TGM7: variants seen among roughly 807,000 people sequenced by gnomAD.
The protein encoded by TGM7 is transglutaminase 7.
Under a neutral mutation model 79.5 loss-of-function variants are expected in TGM7, and 74 were observed. The ratio of observed to expected loss-of-function variants is 0.93; its 90% confidence interval spans 0.77 to 1.13. The LOEUF (loss-of-function observed/expected upper bound fraction) is 1.13, where lower values mean the gene tolerates loss of function less well. Ranked by LOEUF, TGM7 falls within the 50% of genes most tolerant of loss-of-function variation. The pLI, the probability that TGM7 is intolerant of heterozygous loss-of-function variation, is 0.00. For synonymous variants in TGM7, 354 were observed against 362.5 expected (o/e 0.98, Z 0.27); for missense variants, 912 against 905.9 (o/e 1.01, Z -0.09).
At chr15:43,284,719 C>T (rs2042926073) in intron 7 of TGM7, 95 bp downstream of exon 7, 1 of 1,454,378 alleles carries the variant, frequency 6.9e-7, no homozygotes, top group Non-Finnish European at 9.6e-7. Flanking sequence ...TCAGGGCAAT[C>T]TTGCAATATT....
chr15:43,281,867 G>C lies in TGM7; in HGVS notation c.1328C>G (p.Thr443Ser). The change falls in exon 9 of 13, where the codon ACC (threonine) becomes AGC (serine). Residue 443 changes from threonine (T) to serine (S), a missense_variant. By Grantham distance (58) the Thr-to-Ser change is moderately conservative. Transcript: ENST00000452443. ...MVGSDQRQSI[T>S]SSYKYPEGSP... is the part of the protein sequence containing the mutation. Reference sequence around the variant, plus strand: ...ACCTTCTGGGTACTTGTAGGAGCTGGTGATGCTCTGGCGCTGGTCTGACCC... The same window carrying C: ...ACCTTCTGGGTACTTGTAGGAGCTGCTGATGCTCTGGCGCTGGTCTGACCC... 5 of 1,614,206 alleles carry C rather than the reference G, an allele frequency of 3.1e-6. No individual in the cohort carries two copies. The highest frequency in any genetic ancestry group is 4.2e-6 in the Non-Finnish European group (5 of 1,180,026).
chr15:43,280,042 C>T, intron 9 of TGM7, 91 bp from the exon 10 acceptor site: 1 of 1,253,678 alleles, frequency 8.0e-7, no homozygotes, highest in Non-Finnish European at 1.1e-6. Flanking sequence ...GGAATAGCAG[C>T]ACAGGGAGGC....
intron 12 of TGM7, 48 bp from the exon 13 acceptor site, chr15:43,276,662 C>T (rs371122063): frequency 5.8e-5 from 92 of 1,584,508 alleles, no homozygotes; most frequent in Admixed American, 2.1e-4. Context: ...TTCCTGCTGG[C>T]GGCAGGGGTG....
chr15:43,299,680 C>T (rs2043016997), intron 1 of TGM7, among the ~76,000 whole-genome samples: 1 of 152,242 alleles, frequency 6.6e-6, no homozygotes, highest in South Asian at 2.1e-4. Flanking sequence ...CAGCTCCTTC[C>T]ATTCTTCTGT....
At chr15:43,283,735 AC>A (rs1346408666) in intron 7 of TGM7, among the ~76,000 whole-genome samples, 1 of 152,198 alleles carries the variant, frequency 6.6e-6, no homozygotes, top group African/African-American at 2.4e-5. Context: ...GACAATTCAG[AC>A]CTCTAGGAGT....
intron 4 of TGM7, 98 bp from the exon 5 acceptor site, chr15:43,287,767 G>A (rs936686867): frequency 8.5e-5 from 119 of 1,407,298 alleles, no homozygotes; most frequent in Non-Finnish European, 1.1e-4. Flanking sequence ...GCATGTATAT[G>A]GGGATGTGGG....
chr15:43,280,098 C>G, intron 9 of TGM7, 147 bp from the exon 10 acceptor site: 1 of 667,482 alleles, frequency 1.5e-6, no homozygotes, highest in East Asian at 2.7e-5. Flanking sequence ...CTTGCTCTGT[C>G]ACAGTCCTTT....
intron 1 of TGM7, among the ~76,000 whole-genome samples, chr15:43,300,304 C>T (rs2043019457): frequency 6.6e-6 from 1 of 152,176 alleles, no homozygotes; most frequent in South Asian, 2.1e-4. Context: ...TTATCAGCCC[C>T]CTGTTACAGA....
chr15:43,283,905 A>G lies in TGM7; in HGVS notation c.1004+909T>C, dbSNP rs563207475. Reference sequence around the variant, plus strand: ...TAGGACAGCAGGTAGTTCTTACACAACTCAAGGAATCTTACCTGGAGGCTG... The same window carrying G: ...TAGGACAGCAGGTAGTTCTTACACAGCTCAAGGAATCTTACCTGGAGGCTG... On this transcript the variant is annotated intron_variant, in intron 7 of 12. Coordinates refer to ENST00000452443, the MANE Select transcript of TGM7 (RefSeq NM_052955.3). 9.2e-5 allele frequency among the ~76,000 whole-genome samples: 14 copies of G among 152,278 alleles called. No homozygotes were observed. The East Asian group carries it at 2.7e-3, about 29-fold the overall frequency.
At chr15:43,287,846 T>A (rs1157374841) in intron 4 of TGM7, among the ~76,000 whole-genome samples, 177 bp from the exon 5 acceptor site, 1 of 152,164 alleles carries the variant, frequency 6.6e-6, no homozygotes, top group East Asian at 1.9e-4. Context: ...AAATTGGGAA[T>A]GTATTAGGTT....
At chr15:43,283,276 A>G (rs1422428969) in intron 7 of TGM7, among the ~76,000 whole-genome samples, 1 of 152,150 alleles carries the variant, frequency 6.6e-6, no homozygotes, top group Non-Finnish European at 1.5e-5. Context: ...TATCTAATTT[A>G]CTGTCTATAT....
At chr15:43,294,116 C>T (rs1049999722) in intron 1 of TGM7, among the ~76,000 whole-genome samples, 19 of 152,132 alleles carry the variant, frequency 1.2e-4, no homozygotes, top group African/African-American at 4.6e-4. Flanking sequence ...CCCTTTTATC[C>T]TACTGATATA....
intron 1 of TGM7, among the ~76,000 whole-genome samples, chr15:43,298,921 G>T (rs1042138311): frequency 1.3e-5 from 2 of 151,760 alleles, no homozygotes; most frequent in African/African-American, 4.8e-5. Context: ...ATAGGAGTTG[G>T]CTACATAAAC....
rs1335159142 is a variant in TGM7, at chr15:43,292,952, G to T, written c.196C>A (p.Pro66Thr). Residue 66 changes from proline (P) to threonine (T), a missense_variant and splice_region_variant, in exon 3 of 13, where the codon CCC becomes ACC. Coordinates refer to ENST00000452443, the MANE Select transcript of TGM7 (RefSeq NM_052955.3). ...GTCCCCAGCAGCTCTGACGGCTTGG[G>T]TCCTGTGTAGGAGAGAATGACCCCA... ...DHITFVAETG[P>T]KPSELLGTRA... is the part of the protein sequence containing the mutation. 1 of 1,613,154 alleles carries T rather than the reference G, an allele frequency of 6.2e-7. No individual in the cohort carries two copies. The highest frequency in any genetic ancestry group is 1.3e-5 in the African/African-American group (1 of 75,042).
At chr15:43,298,550 C>A (rs1050556981) in intron 1 of TGM7, among the ~76,000 whole-genome samples, 2 of 152,104 alleles carry the variant, frequency 1.3e-5, no homozygotes, top group Admixed American at 6.6e-5. Context: ...AGGTCGAGAT[C>A]GAGATCATCC....
chr15:43,292,546 C>T (rs1166906452), intron 3 of TGM7, among the ~76,000 whole-genome samples, 163 bp downstream of exon 3: 1 of 152,242 alleles, frequency 6.6e-6, no homozygotes, highest in African/African-American at 2.4e-5. Flanking sequence ...TGAATACTTT[C>T]CTCATGCCAT....
At chr15:43,285,058 C>T in intron 6 of TGM7, 106 bp from the exon 7 acceptor site, 1 of 1,296,624 alleles carries the variant, frequency 7.7e-7, no homozygotes, top group Non-Finnish European at 1.1e-6. Context: ...AGCCAAGACG[C>T]TTACGGAACC....
chr15:43,301,904 G>C lies in TGM7; in HGVS notation c.10+337C>G, dbSNP rs557216843. Reference sequence around the variant, plus strand: ...GGGTCCTCCCACAGCTTCAGAGTTGGCCATAGAAATAGCCTCCCAAGCACC... The same window carrying C: ...GGGTCCTCCCACAGCTTCAGAGTTGCCCATAGAAATAGCCTCCCAAGCACC... On this transcript the variant is annotated intron_variant, in intron 1 of 12. Coordinates refer to ENST00000452443, the MANE Select transcript of TGM7 (RefSeq NM_052955.3). 2.0e-5 allele frequency among the ~76,000 whole-genome samples: 3 copies of C among 152,210 alleles called. No individual in the cohort carries two copies. In the South Asian group the frequency reaches 6.2e-4, roughly 32 times the overall value.
chr15:43,284,564 G>A (rs922513650), intron 7 of TGM7, among the ~76,000 whole-genome samples: 2 of 152,186 alleles, frequency 1.3e-5, no homozygotes, highest in Non-Finnish European at 2.9e-5. Context: ...TTCAGAAGAC[G>A]CCCAGCTAGT....
Sources: gnomAD v4.1 joint callset for allele counts (sites outside exome capture counted in the v4.1 genomes callset) on GRCh38, gnomAD v4.1.1 for gene constraint, MANE v1.5 for transcripts, NCBI Gene and HGNC (gene_info 2026-07-23, HGNC 2026-07-21) for gene names.